The following TRPM7 variants were observed in gnomAD, a reference collection of about 807,000 sequenced individuals.
The protein encoded by TRPM7 is LTRPC ion channel family member 7.
Under a neutral mutation model 229.7 loss-of-function variants are expected in TRPM7, and 134 were observed. The observed-to-expected ratio is 0.58, with a 90% CI of 0.51 to 0.67. The LOEUF is 0.67. Ranked by LOEUF, TRPM7 falls within the 30% of genes least tolerant of loss-of-function variation. The pLI is 0.00. For synonymous variants in TRPM7, 699 were observed against 715.2 expected (o/e 0.98, Z 0.36); for missense variants, 1,901 against 2,210.0 (o/e 0.86, Z 2.80).
rs146864686 is a variant in TRPM7 at position 50,569,469 on chromosome 15, C to T, written c.5467+418G>A. On this transcript the variant is annotated intron_variant, in intron 38 of 38. Transcript: ENST00000646667. ...TAGTTTCCCAGGATCATTCCCGGAC[C>T]TGGGTTTGAGTTAAGGGACCTGCTT... Among the ~76,000 whole-genome samples the T allele has an allele frequency of 2.2e-3, 334 of 152,198 alleles. 1 individual carries two copies. Among genetic ancestry groups the T allele is most frequent in the African/African-American group, 7.6e-3 (315 of 41,530 alleles).
intron 26 of TRPM7, among the ~76,000 whole-genome samples, chr15:50,591,473 T>C (rs1174118380): frequency 6.7e-6 from 1 of 148,620 alleles, no homozygotes; most frequent in East Asian, 2.0e-4. Flanking sequence ...TCAGTCTATT[T>C]CCCCTACTTC....
intron 12 of TRPM7, among the ~76,000 whole-genome samples, chr15:50,620,045 T>C (rs987945759): frequency 6.6e-6 from 1 of 152,218 alleles, no homozygotes; most frequent in Non-Finnish European, 1.5e-5. Context: ...ACTTTACAAT[T>C]GTATCTTAAA....
intron 6 of TRPM7, among the ~76,000 whole-genome samples, chr15:50,638,435 G>A (rs1327758723): frequency 2.9e-5 from 4 of 136,284 alleles, no homozygotes; most frequent in Non-Finnish European, 6.1e-5. Flanking sequence ...TGTAATCCTA[G>A]CTATTCAGGA....
intron 21 of TRPM7, 119 bp downstream of exon 21, chr15:50,604,747 C>A: frequency 9.8e-7 from 1 of 1,016,896 alleles, no homozygotes. Flanking sequence ...AAGTATGAGG[C>A]AAACAAACAC....
At chr15:50,631,154 T>G (rs1158519406) in intron 10 of TRPM7, among the ~76,000 whole-genome samples, 3 of 152,184 alleles carry the variant, frequency 2.0e-5, no homozygotes, top group African/African-American at 7.2e-5. Flanking sequence ...TTAATAGGAC[T>G]ATTAAATAGG....
chr15:50,658,421 T>A (rs183217618), intron 2 of TRPM7, among the ~76,000 whole-genome samples: 7,012 of 151,512 alleles, frequency 0.046, 214 homozygotes, highest in Non-Finnish European at 0.073. Context: ...AAAAAAAAAA[T>A]TAGCTAGGGG....
At position 50,581,169 on chromosome 15, in the gene TRPM7, T is replaced by C. The variant is rs550005619; in HGVS notation, c.4558-261A>G. ...CATTGTCTTTCTATTCTTTATGAAT[T>C]TTTATATTGTTTGAAGACAATTCTA... On this transcript the variant is annotated intron_variant, in intron 29 of 38. Coordinates refer to ENST00000646667, the MANE Select transcript of TRPM7 (RefSeq NM_017672.6). Among the ~76,000 whole-genome samples the C allele has an allele frequency of 1.3e-4, 20 of 152,296 alleles. No homozygotes were observed. The South Asian group carries it at 3.9e-3, about 30-fold the overall frequency.
chr15:50,670,325 G>GCATCC (rs547829029), intron 1 of TRPM7, among the ~76,000 whole-genome samples: 91 of 152,238 alleles, frequency 6.0e-4, no homozygotes, highest in African/African-American at 2.0e-3. Context: ...CTGCTGGGCT[G>GCATCC]CATTCCCAGT....
chr15:50,577,002 C>T (rs1016721705), intron 31 of TRPM7, among the ~76,000 whole-genome samples: 1 of 151,998 alleles, frequency 6.6e-6, no homozygotes, highest in Non-Finnish European at 1.5e-5. Context: ...GTCCTAGCCA[C>T]TCAGAAGGCA....
chr15:50,640,595 T>C (rs2061072610), intron 5 of TRPM7, among the ~76,000 whole-genome samples: 3 of 152,068 alleles, frequency 2.0e-5, no homozygotes, highest in African/African-American at 7.2e-5. Flanking sequence ...CCATTATTAC[T>C]TCTTATGGGC....
At chr15:50,582,954 T>C in intron 29 of TRPM7, 135 bp downstream of exon 29, 2 of 509,944 alleles carry the variant, frequency 3.9e-6, no homozygotes, top group Non-Finnish European at 6.5e-6. Flanking sequence ...ACTGCTACTA[T>C]GCTAAAGTCA....
intron 1 of TRPM7, among the ~76,000 whole-genome samples, chr15:50,679,885 ATGACT>A (rs982488027): frequency 1.2e-4 from 19 of 152,194 alleles, no homozygotes; most frequent in African/African-American, 4.3e-4. Flanking sequence ...AATCTATTTA[ATGACT>A]TTTCTAATCT....
At chr15:50,565,266 C>T (rs777132255) in intron 38 of TRPM7, among the ~76,000 whole-genome samples, 17 of 151,734 alleles carry the variant, frequency 1.1e-4, no homozygotes, top group Non-Finnish European at 1.5e-4. Context: ...ACAGGGGTAC[C>T]GTGCTGGCTT....
chr15:50,638,685 T>TATGTATGTATGTATGC (rs1204691462), intron 6 of TRPM7, among the ~76,000 whole-genome samples: 2 of 152,062 alleles, frequency 1.3e-5, no homozygotes, highest in African/African-American at 4.8e-5. Flanking sequence ...TGTATGTATG[T>TATGTATGTATGTATGC]ATGTATGTAT....
At position 50,585,782 on chromosome 15, in the gene TRPM7, G is replaced by A. The variant is rs548719971; in HGVS notation, c.4486+610C>T. On this transcript the variant is annotated intron_variant, in intron 28 of 38. Coordinates refer to ENST00000646667, the MANE Select transcript of TRPM7 (RefSeq NM_017672.6). ...TATAATTATTCAACTTTTCAACGAT[G>A]TGCATATATAATCTTGACTTATAAA... is the stretch of plus-strand genomic sequence containing the variant. Among the ~76,000 whole-genome samples, 121 of 152,266 alleles carry A rather than the reference G, an allele frequency of 7.9e-4. 1 individual carries two copies. The highest frequency in any genetic ancestry group is 2.8e-3 in the African/African-American group (118 of 41,548).
At chr15:50,684,857 T>C (rs1242980812) in intron 1 of TRPM7, among the ~76,000 whole-genome samples, 1 of 152,206 alleles carries the variant, frequency 6.6e-6, no homozygotes, top group African/African-American at 2.4e-5. Flanking sequence ...TGCAGAATTC[T>C]TTGTAACCTG....
intron 36 of TRPM7, among the ~76,000 whole-genome samples, chr15:50,570,508 A>G (rs544499671): frequency 5.9e-5 from 9 of 152,218 alleles, no homozygotes; most frequent in African/African-American, 2.2e-4. Flanking sequence ...TTAGCAAAGA[A>G]CAATTTGGTA....
At chr15:50,675,440 C>G (rs1424552054) in intron 1 of TRPM7, among the ~76,000 whole-genome samples, 1 of 152,080 alleles carries the variant, frequency 6.6e-6, no homozygotes, top group East Asian at 1.9e-4. Flanking sequence ...GTTTATGTAA[C>G]AGCCAAATGT....
chr15:50,654,629 C>T lies in TRPM7; in HGVS notation c.122+3152G>A, dbSNP rs372609801. On this transcript the variant is annotated intron_variant, in intron 3 of 38. Coordinates refer to ENST00000646667, the MANE Select transcript of TRPM7 (RefSeq NM_017672.6). ...TAATGAGAGTGCACATGGTGCATCT[C>T]AGCAGTAAAATGGAAACTATAACAA... Among the ~76,000 whole-genome samples the T allele has an allele frequency of 2.0e-5, 3 of 151,446 alleles. No homozygotes were observed. The East Asian group carries it at 5.8e-4, about 29-fold the overall frequency.
Sources: gnomAD v4.1 joint callset for allele counts (sites outside exome capture counted in the v4.1 genomes callset) on GRCh38, gnomAD v4.1.1 for gene constraint, MANE v1.5 for transcripts, NCBI Gene and HGNC (gene_info 2026-07-23, HGNC 2026-07-21) for gene names.